The following CAMKMT variants were observed in gnomAD, a reference collection of about 807,000 sequenced individuals.
The protein encoded by CAMKMT is CaM KMT.
CAMKMT carries 53 observed loss-of-function variants against 48.0 expected under a neutral mutation model. The observed-to-expected ratio is 1.10, with a 90% CI of 0.89 to 1.39. CAMKMT has a LOEUF of 1.39. CAMKMT is among the 40% of genes most tolerant of loss of function. The pLI is 0.00. For missense variants in CAMKMT, 428 were observed against 402.7 expected, an observed-to-expected ratio of 1.06 and a Z score of -0.54; for synonymous variants, 165 against 152.3, an observed-to-expected ratio of 1.08 and a Z score of -0.61.
intron 3 of CAMKMT, among the ~76,000 whole-genome samples, chr2:44,430,489 A>G (rs1210729248): frequency 6.6e-6 from 1 of 150,802 alleles, no homozygotes; most frequent in African/African-American, 2.4e-5. Flanking sequence ...GATGGTAACA[A>G]TTGGACTTGC....
At chr2:44,649,332 G>A (rs746366550) in intron 3 of CAMKMT, among the ~76,000 whole-genome samples, 13 of 151,952 alleles carry the variant, frequency 8.6e-5, no homozygotes, top group African/African-American at 2.4e-4. Flanking sequence ...GGTGCTGGCC[G>A]TACTAAGATG....
intron 7 of CAMKMT, among the ~76,000 whole-genome samples, chr2:44,733,042 G>C (rs1342419211): frequency 6.6e-6 from 1 of 152,100 alleles, no homozygotes; most frequent in East Asian, 1.9e-4. Context: ...TCATCTACAA[G>C]TTTTATAGTT....
In CAMKMT at chr2:44,586,323, A is replaced by G. The variant is rs185886336; in HGVS notation, c.377-117960A>G. On this transcript the variant is annotated intron_variant, in intron 3 of 10. Transcript: ENST00000378494. ...CAATTTGATAAGTTTTAACATATGT[A>G]TATATATATATATGTTAAAAGGATT... Among the ~76,000 whole-genome samples, 133 of 146,790 alleles carry G rather than the reference A, an allele frequency of 9.1e-4. 1 individual carries two copies. The highest frequency in any genetic ancestry group is 5.2e-3 in the South Asian group (25 of 4,776).
intron 2 of CAMKMT, among the ~76,000 whole-genome samples, chr2:44,382,819 G>T (rs1680389679): frequency 6.6e-6 from 1 of 152,114 alleles, no homozygotes; most frequent in Non-Finnish European, 1.5e-5. Context: ...CAAAGGACTG[G>T]GCCTCTGTGG....
chr2:44,704,527 A>T (rs1677437021), intron 4 of CAMKMT, among the ~76,000 whole-genome samples, 184 bp downstream of exon 4: 1 of 152,186 alleles, frequency 6.6e-6, no homozygotes, highest in Admixed American at 6.5e-5. Context: ...TTGCTTCTCA[A>T]GTGAAATCTG....
At chr2:44,741,154 A>G (rs1322022034) in intron 7 of CAMKMT, among the ~76,000 whole-genome samples, 2 of 152,184 alleles carry the variant, frequency 1.3e-5, no homozygotes, top group Non-Finnish European at 2.9e-5. Flanking sequence ...TGTGTTTTTA[A>G]TCTCATTTTT....
chr2:44,708,002 A>G (rs1174271179), intron 6 of CAMKMT, among the ~76,000 whole-genome samples: 1 of 152,108 alleles, frequency 6.6e-6, no homozygotes, highest in African/African-American at 2.4e-5. Context: ...TATACAAGCT[A>G]TCTCTATTTT....
intron 3 of CAMKMT, among the ~76,000 whole-genome samples, chr2:44,594,511 A>T (rs910105089): frequency 2.0e-5 from 3 of 152,162 alleles, no homozygotes; most frequent in Admixed American, 6.5e-5. Context: ...AACACCACAC[A>T]TCTAAAACCA....
At chr2:44,450,103 A>C (rs899958900) in intron 3 of CAMKMT, among the ~76,000 whole-genome samples, 1 of 152,134 alleles carries the variant, frequency 6.6e-6, no homozygotes, top group Non-Finnish European at 1.5e-5. Flanking sequence ...TGAGGGACCG[A>C]TGCTTTTACT....
At chr2:44,662,102 C>A (rs1207159801) in intron 3 of CAMKMT, among the ~76,000 whole-genome samples, 1 of 152,250 alleles carries the variant, frequency 6.6e-6, no homozygotes, top group African/African-American at 2.4e-5. Context: ...TACTGTTGTC[C>A]ACACTATAGT....
At position 44,559,543 on chromosome 2, in the gene CAMKMT, A is replaced by G. The variant is rs541047422; in HGVS notation, c.377-144740A>G. 3.9e-5 allele frequency among the ~76,000 whole-genome samples: 5 copies of G among 127,022 alleles called. No individual in the cohort carries two copies. The East Asian group carries it at 1.0e-3, about 25-fold the overall frequency. 83.3% of individuals were successfully genotyped at this position (127,022 alleles called of 152,430 possible). On this transcript the variant is annotated intron_variant, in intron 3 of 10. Coordinates refer to ENST00000378494, the MANE Select transcript of CAMKMT (RefSeq NM_024766.5). ...TTCAAACTAAGAATTTCTATTTTAC[A>G]TAACCACTTTTTTTTTAATGTGGTC...
intron 2 of CAMKMT, among the ~76,000 whole-genome samples, chr2:44,383,663 T>C (rs943123455): frequency 2.0e-5 from 3 of 152,126 alleles, no homozygotes; most frequent in Non-Finnish European, 2.9e-5. Flanking sequence ...CCAAAGTCCA[T>C]TGTATCATTC....
At chr2:44,711,462 C>T (rs1677874353) in intron 6 of CAMKMT, among the ~76,000 whole-genome samples, 1 of 152,112 alleles carries the variant, frequency 6.6e-6, no homozygotes, top group Admixed American at 6.6e-5. Flanking sequence ...TAAATGTTCA[C>T]ATAATTAATT....
chr2:44,583,058 A>G (rs937256934), intron 3 of CAMKMT, among the ~76,000 whole-genome samples: 1 of 152,200 alleles, frequency 6.6e-6, no homozygotes, highest in Non-Finnish European at 1.5e-5. Flanking sequence ...ATAATACATA[A>G]TAGTCATTAT....
At chr2:44,741,922 C>A (rs1169075947) in intron 7 of CAMKMT, among the ~76,000 whole-genome samples, 1 of 152,076 alleles carries the variant, frequency 6.6e-6, no homozygotes, top group Non-Finnish European at 1.5e-5. Context: ...AAAGCAAATT[C>A]TAAAGAGACA....
intron 9 of CAMKMT, among the ~76,000 whole-genome samples, chr2:44,762,994 G>C (rs1680680178): frequency 1.3e-5 from 2 of 152,136 alleles, no homozygotes; most frequent in South Asian, 4.1e-4. Flanking sequence ...TTCCTTTTCT[G>C]GTTTTGATTT....
chr2:44,540,256 C>A (rs1667024580), intron 3 of CAMKMT, among the ~76,000 whole-genome samples: 1 of 151,848 alleles, frequency 6.6e-6, no homozygotes, highest in African/African-American at 2.4e-5. Flanking sequence ...TTTTGATGTT[C>A]AAATTGTCCC....
chr2:44,534,907 C>T (rs1173611887), intron 3 of CAMKMT, among the ~76,000 whole-genome samples: 1 of 151,248 alleles, frequency 6.6e-6, no homozygotes, highest in Non-Finnish European at 1.5e-5. Context: ...TAGAGATTAT[C>T]AAAGAAAACA....
chr2:44,645,507 C>T (rs1673682694), intron 3 of CAMKMT, among the ~76,000 whole-genome samples: 1 of 152,048 alleles, frequency 6.6e-6, no homozygotes, highest in African/African-American at 2.4e-5. Flanking sequence ...ACCAAAAGGT[C>T]CTTATTAAAA....
Sources: allele counts gnomAD v4.1 joint callset (sites outside exome capture counted in the v4.1 genomes callset), GRCh38; gene constraint gnomAD v4.1.1; transcripts MANE v1.5; gene names NCBI Gene and HGNC (gene_info 2026-07-23, HGNC 2026-07-21).